DNAH17: variants seen among roughly 807,000 people sequenced by gnomAD.
DNAH17 encodes axonemal beta dynein heavy chain 17.
A neutral mutation model predicts 485.6 loss-of-function variants in DNAH17; 376 were observed. That is an observed-to-expected ratio of 0.77 (90% CI 0.71 to 0.84). DNAH17 has a LOEUF of 0.84. Among genes scored for constraint, DNAH17 ranks in the 40% least tolerant of loss-of-function variants. DNAH17 has a pLI of 0.00. For missense variants in DNAH17, 6,370 were observed against 5,839.3 expected (o/e 1.09, Z -2.96); for synonymous variants, 3,031 against 2,405.9 (o/e 1.26, Z -7.60).
chr17:78,492,911 G>C lies in DNAH17; in HGVS notation c.6409-146C>G, dbSNP rs965425228. ...TTGTCACCGAGGCTGGAGTGCAGTGGTGTGATCTCAGCTCACTGCAACCTC... is the reference window on the plus strand; with the variant it reads ...TTGTCACCGAGGCTGGAGTGCAGTGCTGTGATCTCAGCTCACTGCAACCTC... On this transcript the variant is annotated intron_variant, in intron 41 of 80. Coordinates refer to ENST00000389840, the MANE Select transcript of DNAH17 (RefSeq NM_173628.4). The C allele has an allele frequency of 3.2e-5, 28 of 876,382 alleles. No individual in the cohort carries two copies. The African/African-American group carries it at 4.0e-4, about 12-fold the overall frequency. 54.3% of individuals were successfully genotyped at this position (876,382 alleles called of 1,614,324 possible).
chr17:78,495,007 C>T lies in DNAH17; in HGVS notation c.5994G>A (p.Arg1998=), dbSNP rs2090014990. ...ACAAGGTGTACAGGGTGATGAACTT[C>T]CTGGCCAGAAGGCGGGCTTCCAGAA... ...EGFLEARLLA[R]KFITLYTLCK... is the part of the protein sequence containing the mutation. Residue 1998 remains arginine, a synonymous_variant, in exon 39 of 81, where the codon AGG becomes AGA. Coordinates refer to ENST00000389840, the MANE Select transcript of DNAH17 (RefSeq NM_173628.4). The T allele has an allele frequency of 6.2e-7, 1 of 1,613,054 alleles. No individual in the cohort carries two copies. Among genetic ancestry groups the T allele is most frequent in the African/African-American group, 1.3e-5 (1 of 74,924 alleles).
intron 16 of DNAH17, among the ~76,000 whole-genome samples, chr17:78,550,753 G>A (rs977180569): frequency 3.9e-5 from 6 of 152,264 alleles, no homozygotes; most frequent in African/African-American, 7.2e-5. Flanking sequence ...CACACACAGG[G>A]CCGTTTCTGG....
chr17:78,476,839 A>G, intron 51 of DNAH17, 106 bp from the exon 52 acceptor site: 6 of 1,347,264 alleles, frequency 4.5e-6, no homozygotes, highest in Non-Finnish European at 6.0e-6. Context: ...GGGCGAGGGG[A>G]CCTGTTCAGC....
At chr17:78,504,509 C>A (rs1299374622) in intron 31 of DNAH17, among the ~76,000 whole-genome samples, 1 of 144,456 alleles carries the variant, frequency 6.9e-6, no homozygotes, top group African/African-American at 2.6e-5. Flanking sequence ...CCACGTAGAG[C>A]AGGCCACGTG....
intron 25 of DNAH17, among the ~76,000 whole-genome samples, 194 bp from the exon 26 acceptor site, chr17:78,515,216 A>C (rs2090749584): frequency 6.6e-6 from 1 of 152,254 alleles, no homozygotes; most frequent in South Asian, 2.1e-4. Context: ...AAGATTTAAA[A>C]GTTAACAGTT....
intron 56 of DNAH17, 48 bp from the exon 57 acceptor site, chr17:78,463,125 T>G: frequency 6.3e-7 from 1 of 1,577,060 alleles, no homozygotes; most frequent in Non-Finnish European, 8.7e-7. Context: ...ATCCTGCAAA[T>G]CAGCAAAGTG....
rs776167431 is a variant in DNAH17, at chr17:78,562,024, C to A, written c.1570-44G>T. ...GGGGCCTCTTCACCACAGTCTCCTC[C>A]CCTTCCCCAGCCTGTGGCTGTGGAC... On this transcript the variant is annotated intron_variant, in intron 11 of 80. Transcript: ENST00000389840. 2.2e-5 allele frequency: 34 copies of A among 1,519,830 alleles called. 1 individual carries two copies. In the South Asian group the frequency reaches 3.9e-4, roughly 17 times the overall value. The allele number at this position is 1,519,830 out of a possible 1,614,324, so 94.1% of individuals were successfully genotyped here. A position where few individuals can be genotyped will look rare whatever the true frequency, so the allele number is the denominator to read the frequency against.
At chr17:78,497,429 T>C (rs2146699285) in intron 37 of DNAH17, among the ~76,000 whole-genome samples, 1 of 152,182 alleles carries the variant, frequency 6.6e-6, no homozygotes, top group East Asian at 1.9e-4. Flanking sequence ...GACTGGGGCC[T>C]TTCGGAACAG....
At chr17:78,524,977 G>T in intron 25 of DNAH17, 32 bp downstream of exon 25, 1 of 1,584,046 alleles carries the variant, frequency 6.3e-7, no homozygotes. Flanking sequence ...CAGAATCCCG[G>T]GCCCCACCCA....
intron 74 of DNAH17, 106 bp from the exon 75 acceptor site, chr17:78,434,326 G>T (rs993385572): frequency 5.8e-6 from 6 of 1,029,214 alleles, no homozygotes; most frequent in South Asian, 1.6e-5. Context: ...CTTTGCTAGG[G>T]TGGGGGCGGT....
rs141152238 is a variant in DNAH17 at position 78,437,849 on chromosome 17, C to T, written c.11825G>A (p.Arg3942Gln). The T allele has an allele frequency of 2.0e-3, 3,297 of 1,609,884 alleles. 34 individuals carry two copies. Among genetic ancestry groups the T allele is most frequent in the South Asian group, 0.018 (1,655 of 90,714 alleles). ...VILQNIHLVARWLGTLDKKLE... is the reference protein window; with the variant it reads ...VILQNIHLVAQWLGTLDKKLE... ...CTTCTTGTCCAGTGTTCCCAGCCAC[C>T]GGGCCACCAGGTGGATATTCTGCAG... The change falls in exon 74 of 81, where the codon CGG becomes CAG. Residue 3942 changes from arginine (R) to glutamine (Q), a missense_variant. By Grantham distance (43) the Arg-to-Gln change is conservative. Coordinates refer to ENST00000389840, the MANE Select transcript of DNAH17 (RefSeq NM_173628.4).
chr17:78,467,115 G>A (rs1256909792), intron 55 of DNAH17, among the ~76,000 whole-genome samples: 1 of 152,250 alleles, frequency 6.6e-6, no homozygotes, highest in Non-Finnish European at 1.5e-5. Context: ...ACATTGGGCA[G>A]ATGAGGCCCC....
chr17:78,431,188 G>A (rs1336242478), intron 75 of DNAH17, among the ~76,000 whole-genome samples: 1 of 8,326 alleles, frequency 1.2e-4, no homozygotes, highest in East Asian at 0.056. Flanking sequence ...TTAGTCTCAT[G>A]ACTTTTTTAC....
Position 78,530,532 on chromosome 17 carries a change from G to A in DNAH17, c.3115-20C>T, listed in dbSNP as rs1310690061. 3.8e-6 allele frequency: 6 copies of A among 1,592,280 alleles called. No individual in the cohort carries two copies. Among genetic ancestry groups the A allele is most frequent in the Admixed American group, 3.4e-5 (2 of 59,240 alleles). ...GTCGATCTGGAAAACACGGCCACCGGCGGCCTGTCATAGCCTGCAAGCCTA... is the reference window on the plus strand; with the variant it reads ...GTCGATCTGGAAAACACGGCCACCGACGGCCTGTCATAGCCTGCAAGCCTA... On this transcript the variant is annotated intron_variant, in intron 20 of 80. Coordinates refer to ENST00000389840, the MANE Select transcript of DNAH17 (RefSeq NM_173628.4).
rs200005037 is a variant in DNAH17 at position 78,537,342 on chromosome 17, G to A, written c.2816C>T (p.Ala939Val). 1,328 of 1,601,372 alleles carry A rather than the reference G, an allele frequency of 8.3e-4. 4 individuals carry two copies. Among genetic ancestry groups the A allele is most frequent in the Non-Finnish European group, 1.1e-3 (1,273 of 1,174,492 alleles). Residue 939 changes from alanine (A) to valine (V), a missense_variant, in exon 19 of 81, where the codon GCC becomes GTC. Transcript: ENST00000389840. ...CTTGGCCAGCCGAGGGATGAGCCTGGCTACGTTGTAGATGTCGTTGACCAG... is the reference window on the plus strand; with the variant it reads ...CTTGGCCAGCCGAGGGATGAGCCTGACTACGTTGTAGATGTCGTTGACCAG... ...EGLVNDIYNV[A>V]RLIPRLAKDR...
intron 13 of DNAH17, among the ~76,000 whole-genome samples, chr17:78,559,872 A>G (rs2092114282): frequency 6.6e-6 from 1 of 151,778 alleles, no homozygotes; most frequent in South Asian, 2.1e-4. Context: ...CTCGGGCGCC[A>G]CCTGGCCTTT....
chr17:78,507,868 C>T, intron 27 of DNAH17, 63 bp from the exon 28 acceptor site: 2 of 1,406,578 alleles, frequency 1.4e-6, no homozygotes, highest in Non-Finnish European at 1.9e-6. Context: ...AGGCAGGACC[C>T]AGAGTTTCCA....
In DNAH17 at chr17:78,484,095, CAAAAAAAAAAAAAA is replaced by C. The variant is rs11290299; in HGVS notation, c.7649+759_7649+772del. ...TGAGAGACAGAGCGAGATTTCTCCT[CAAAAAAAAAAAAAA>C]AAAAAAAAAAAAAAAAGACAACTGA... On this transcript the variant is annotated intron_variant, in intron 48 of 80. Transcript: ENST00000389840. 3.1e-4 allele frequency among the ~76,000 whole-genome samples: 12 copies of C among 38,400 alleles called. No individual in the cohort carries two copies. In the East Asian group the frequency reaches 4.3e-3, roughly 14 times the overall value. The allele number at this position is 38,400 out of a possible 152,430, so 25.2% of individuals were successfully genotyped here.
intron 11 of DNAH17, among the ~76,000 whole-genome samples, chr17:78,562,528 G>A (rs2092179331): frequency 6.6e-6 from 1 of 152,090 alleles, no homozygotes; most frequent in Non-Finnish European, 1.5e-5. Flanking sequence ...AGGCTGAGAT[G>A]GGAGGATTAC....
Sources: gnomAD v4.1 joint callset for allele counts (sites outside exome capture counted in the v4.1 genomes callset) on GRCh38, gnomAD v4.1.1 for gene constraint, MANE v1.5 for transcripts, NCBI Gene and HGNC (gene_info 2026-07-23, HGNC 2026-07-21) for gene names.